The following SPIDR variants were observed in gnomAD, a reference collection of about 807,000 sequenced individuals.
SPIDR encodes the protein DNA repair-scaffolding protein.
A neutral mutation model predicts 104.6 loss-of-function variants in SPIDR; 93 were observed. That is an observed-to-expected ratio of 0.89 (90% CI 0.75 to 1.06). The LOEUF is 1.06. SPIDR is among the 50% of genes least tolerant of loss of function. SPIDR has a pLI of 0.00. For missense variants in SPIDR, 1,154 were observed against 1,111.2 expected (o/e 1.04, Z -0.55); for synonymous variants, 431 against 416.9 (o/e 1.03, Z -0.41).
intron 19 of SPIDR, among the ~76,000 whole-genome samples, chr8:47,730,254 TG>T (rs922312635): frequency 3.4e-4 from 51 of 152,206 alleles, no homozygotes; most frequent in African/African-American, 1.2e-3. Flanking sequence ...ATATAATTGA[TG>T]GGCCAAAGAG....
chr8:47,285,002 C>T (rs972150813), intron 3 of SPIDR, among the ~76,000 whole-genome samples: 70 of 152,310 alleles, frequency 4.6e-4, no homozygotes, highest in Admixed American at 1.3e-3. Context: ...TGTGTCCTGG[C>T]TCTCTAATCT....
intron 8 of SPIDR, among the ~76,000 whole-genome samples, chr8:47,584,182 C>A (rs2060032640): frequency 1.3e-5 from 2 of 152,148 alleles, no homozygotes; most frequent in Non-Finnish European, 2.9e-5. Flanking sequence ...AGGCTTTTCA[C>A]ATTATGCTGA....
chr8:47,511,104 CT>C, intron 8 of SPIDR: 1 of 1,428,106 alleles, frequency 7.0e-7, no homozygotes, highest in African/African-American at 1.4e-5. Context: ...CGTCAGCCAG[CT>C]CTTTGTTTGG....
intron 10 of SPIDR, among the ~76,000 whole-genome samples, chr8:47,646,293 C>T (rs149474641): frequency 2.1e-4 from 32 of 152,318 alleles, no homozygotes; most frequent in Admixed American, 3.3e-4. Flanking sequence ...GCAATAAACA[C>T]TCTTCCTTTG....
intron 3 of SPIDR, among the ~76,000 whole-genome samples, chr8:47,289,774 A>G (rs1223273943): frequency 6.6e-6 from 1 of 152,202 alleles, no homozygotes; most frequent in African/African-American, 2.4e-5. Context: ...GTCCCAGAGA[A>G]TGAAAATTAA....
intron 7 of SPIDR, among the ~76,000 whole-genome samples, chr8:47,428,152 G>A (rs2066748484): frequency 6.6e-6 from 1 of 152,216 alleles, no homozygotes; most frequent in Non-Finnish European, 1.5e-5. Flanking sequence ...TCGAACTTCT[G>A]ACCTCAAGTG....
At chr8:47,415,777 T>G (rs2064172381) in intron 7 of SPIDR, among the ~76,000 whole-genome samples, 1 of 152,180 alleles carries the variant, frequency 6.6e-6, no homozygotes, top group African/African-American at 2.4e-5. Context: ...GCTCTGGTTT[T>G]TTTGTTGTAA....
intron 10 of SPIDR, among the ~76,000 whole-genome samples, chr8:47,629,004 A>G (rs1248629929): frequency 6.6e-6 from 1 of 152,218 alleles, no homozygotes; most frequent in Non-Finnish European, 1.5e-5. Context: ...GTGCTAAATG[A>G]TTAAGTTGTA....
intron 1 of SPIDR, among the ~76,000 whole-genome samples, chr8:47,262,884 T>C (rs1373425811): frequency 6.6e-6 from 1 of 152,128 alleles, no homozygotes; most frequent in Non-Finnish European, 1.5e-5. Flanking sequence ...GCTAGCATGC[T>C]CCCATTCCAT....
chr8:47,319,099 A>G (rs926735202), intron 5 of SPIDR, among the ~76,000 whole-genome samples: 10 of 152,292 alleles, frequency 6.6e-5, no homozygotes, highest in Admixed American at 1.3e-4. Context: ...TAACAATATT[A>G]ACCTTAAATG....
At chr8:47,679,926 G>A (rs2076892237) in intron 11 of SPIDR, among the ~76,000 whole-genome samples, 1 of 152,242 alleles carries the variant, frequency 6.6e-6, no homozygotes, top group Non-Finnish European at 1.5e-5. Context: ...CACATTAGGT[G>A]TTTTCTTGGG....
chr8:47,419,807 C>T (rs1244759354), intron 7 of SPIDR, among the ~76,000 whole-genome samples: 11 of 151,402 alleles, frequency 7.3e-5, no homozygotes, highest in South Asian at 2.1e-4. Flanking sequence ...CCAGAGATTC[C>T]GGTATGTTGC....
At chr8:47,345,870 C>G (rs946980362) in intron 5 of SPIDR, among the ~76,000 whole-genome samples, 1 of 152,112 alleles carries the variant, frequency 6.6e-6, no homozygotes, top group Non-Finnish European at 1.5e-5. Context: ...GGGGTTGAGA[C>G]GATGGGGTTT....
At chr8:47,713,782 A>T in intron 16 of SPIDR, 141 bp downstream of exon 16, 5 of 1,168,570 alleles carry the variant, frequency 4.3e-6, no homozygotes, top group East Asian at 2.6e-5. Flanking sequence ...CAAAAGCAGA[A>T]ATTGTTCTTG....
chr8:47,321,553 CA>C (rs1333023000), intron 5 of SPIDR, among the ~76,000 whole-genome samples: 2 of 152,158 alleles, frequency 1.3e-5, no homozygotes, highest in Non-Finnish European at 2.9e-5. Context: ...CGATCCCCAT[CA>C]AGCTACCAAT....
chr8:47,503,264 G>C (rs980549417), intron 8 of SPIDR, among the ~76,000 whole-genome samples: 21 of 152,132 alleles, frequency 1.4e-4, no homozygotes, highest in Non-Finnish European at 2.9e-5. Flanking sequence ...GTTACTGTGT[G>C]GGAGTCTAAG....
rs374864704 is a variant in SPIDR, at chr8:47,292,684, TA to T, written c.362-1179del. On this transcript the variant is annotated intron_variant, in intron 4 of 19. Transcript: ENST00000297423. ...TAATAGTAGCAGTCTTCCTGCTTTT[TA>T]AAAGTTTTGTGACCACAAAAGTTTT... Among the ~76,000 whole-genome samples the T allele has an allele frequency of 3.8e-3, 576 of 152,336 alleles. 3 individuals are homozygous for T. Among genetic ancestry groups the T allele is most frequent in the South Asian group, 0.022 (107 of 4,828 alleles).
intron 14 of SPIDR, among the ~76,000 whole-genome samples, chr8:47,704,859 G>C (rs963903692): frequency 6.6e-6 from 1 of 152,126 alleles, no homozygotes; most frequent in Non-Finnish European, 1.5e-5. Flanking sequence ...GGCAGGGCAC[G>C]TGCTATGTCC....
At chr8:47,368,901 G>A (rs1269347831) in intron 5 of SPIDR, among the ~76,000 whole-genome samples, 1 of 152,136 alleles carries the variant, frequency 6.6e-6, no homozygotes, top group Non-Finnish European at 1.5e-5. Context: ...TGAAAGGGCT[G>A]GAAACAGCTT....
Sources: allele counts gnomAD v4.1 joint callset (sites outside exome capture counted in the v4.1 genomes callset), GRCh38; gene constraint gnomAD v4.1.1; transcripts MANE v1.5; gene names NCBI Gene and HGNC (gene_info 2026-07-23, HGNC 2026-07-21).